SMCHD1: variants seen among roughly 807,000 people sequenced by gnomAD.
SMCHD1 encodes the protein structural maintenance of chromosomes flexible hinge domain containing 1, also known as structural maintenance of chromosomes flexible hinge domain-containing protein 1.
SMCHD1 carries 78 observed loss-of-function variants against 254.7 expected under a neutral mutation model. The observed-to-expected ratio is 0.31, with a 90% confidence interval of 0.26 to 0.37. SMCHD1 has a LOEUF of 0.37. SMCHD1 is among the 10% of genes least tolerant of loss of function. The probability of loss-of-function intolerance (pLI) is 1.00; values close to 1 mark genes in which losing one functional copy is unlikely to be tolerated. For missense variants in SMCHD1, 1,840 were observed against 2,408.1 expected (o/e 0.76, Z 4.94); for synonymous variants, 766 against 794.9 (o/e 0.96, Z 0.61).
At chr18:2,744,870 C>T (rs899778610) in intron 29 of SMCHD1, among the ~76,000 whole-genome samples, 1 of 152,074 alleles carries the variant, frequency 6.6e-6, no homozygotes, top group Non-Finnish European at 1.5e-5. Flanking sequence ...GAGTTTCACT[C>T]TTGTTACCCA....
At chr18:2,786,390 T>C (rs1365014606) in intron 45 of SMCHD1, among the ~76,000 whole-genome samples, 2 of 152,168 alleles carry the variant, frequency 1.3e-5, no homozygotes, top group African/African-American at 2.4e-5. Flanking sequence ...ACTGCACTTA[T>C]ATTAAAAAAT....
Position 2,714,843 on chromosome 18 carries a change from T to TC in SMCHD1, c.2261-3309dup, listed in dbSNP as rs367719961. Among the ~76,000 whole-genome samples, 230 of 151,896 alleles carry TC rather than the reference T, an allele frequency of 1.5e-3. 2 individuals are homozygous for TC. The highest frequency in any genetic ancestry group is 5.2e-3 in the African/African-American group (216 of 41,390). On this transcript the variant is annotated intron_variant, in intron 17 of 47. Transcript: ENST00000320876. The stretch of plus-strand genomic sequence containing the variant: ...AGGACACAAGATTTGTGGTTGACAG[T>TC]CCCCCCTGCCCCCTACCCCCAGCAC...
At chr18:2,676,759 GATCT>G (rs1171405118) in intron 5 of SMCHD1, among the ~76,000 whole-genome samples, 1 of 152,042 alleles carries the variant, frequency 6.6e-6, no homozygotes, top group African/African-American at 2.4e-5. Flanking sequence ...TCACATTTAT[GATCT>G]GTCTACACAC....
At chr18:2,713,455 T>C (rs777802640) in intron 17 of SMCHD1, among the ~76,000 whole-genome samples, 12 of 152,128 alleles carry the variant, frequency 7.9e-5, no homozygotes, top group Non-Finnish European at 1.8e-4. Context: ...AAGGCAAATA[T>C]AGGCATGCTT....
At chr18:2,753,635 T>C (rs1214695980) in intron 34 of SMCHD1, among the ~76,000 whole-genome samples, 1 of 152,176 alleles carries the variant, frequency 6.6e-6, no homozygotes, top group Non-Finnish European at 1.5e-5. Context: ...TCTGCTTCCC[T>C]GGCTCAAGCG....
intron 19 of SMCHD1, among the ~76,000 whole-genome samples, chr18:2,721,381 CT>C (rs1029445090): frequency 6.6e-6 from 1 of 150,674 alleles, no homozygotes; most frequent in African/African-American, 2.4e-5. Flanking sequence ...GTGTGGTTTT[CT>C]TTTTTTTTAA....
intron 44 of SMCHD1, among the ~76,000 whole-genome samples, chr18:2,783,723 C>T (rs2076195062): frequency 6.6e-6 from 1 of 152,070 alleles, no homozygotes; most frequent in Admixed American, 6.6e-5. Flanking sequence ...CAGGCACGTG[C>T]CACCATGCCC....
chr18:2,682,800 C>T (rs1034238565), intron 5 of SMCHD1, among the ~76,000 whole-genome samples: 1 of 152,184 alleles, frequency 6.6e-6, no homozygotes, highest in African/African-American at 2.4e-5. Context: ...CTCCAGAGGA[C>T]TGCTGTGGTG....
At chr18:2,759,163 A>G (rs2075735429) in intron 34 of SMCHD1, among the ~76,000 whole-genome samples, 1 of 152,016 alleles carries the variant, frequency 6.6e-6, no homozygotes, top group Non-Finnish European at 1.5e-5. Flanking sequence ...TGGTGATTCT[A>G]GTATTGTTGT....
intron 7 of SMCHD1, among the ~76,000 whole-genome samples, chr18:2,691,428 T>C (rs680666): frequency 0.42 from 63,734 of 152,100 alleles, 14,721 homozygotes; most frequent in East Asian, 0.6. Context: ...GTTGGACTTC[T>C]ATCTCTGATC....
intron 37 of SMCHD1, among the ~76,000 whole-genome samples, chr18:2,767,883 C>T (rs1042138914): frequency 2.0e-5 from 3 of 152,144 alleles, no homozygotes; most frequent in African/African-American, 7.2e-5. Flanking sequence ...AGCCACCACA[C>T]CCAGCAGCAT....
intron 41 of SMCHD1, among the ~76,000 whole-genome samples, chr18:2,774,833 C>T (rs2143766141): frequency 6.6e-6 from 1 of 152,304 alleles, no homozygotes; most frequent in East Asian, 1.9e-4. Context: ...TTGATACTGG[C>T]CACAGTAGTC....
At position 2,789,288 on chromosome 18, in the gene SMCHD1, G is replaced by A. The variant is rs985220799; in HGVS notation, c.5719+4667G>A. Among the ~76,000 whole-genome samples the A allele has an allele frequency of 2.6e-5, 4 of 151,700 alleles. No individual in the cohort carries two copies. The East Asian group carries it at 7.7e-4, about 29-fold the overall frequency. On this transcript the variant is annotated intron_variant, in intron 45 of 47. Coordinates refer to ENST00000320876, the MANE Select transcript of SMCHD1 (RefSeq NM_015295.3). ...ACTCCTGGTCCCAGGCGATCTGCCT[G>A]CCTTGGCCTCTCAGAGTGCTAGGGA...
intron 42 of SMCHD1, 137 bp downstream of exon 42, chr18:2,776,061 T>C: frequency 1.3e-6 from 1 of 777,498 alleles, no homozygotes; most frequent in Non-Finnish European, 2.0e-6. Flanking sequence ...TATTTTTGTC[T>C]TCATCACAAA....
intron 21 of SMCHD1, 45 bp from the exon 22 acceptor site, chr18:2,726,407 A>G (rs1257930244): frequency 2.2e-5 from 22 of 990,536 alleles, no homozygotes; most frequent in Non-Finnish European, 3.3e-5. Flanking sequence ...CTACTTAAGT[A>G]TGTATTCAGG....
intron 7 of SMCHD1, among the ~76,000 whole-genome samples, chr18:2,694,175 C>T (rs1489685257): frequency 6.6e-6 from 1 of 152,082 alleles, no homozygotes; most frequent in Admixed American, 6.5e-5. Context: ...GGTAGGTCTC[C>T]CAAGCAAGCG....
intron 21 of SMCHD1, 147 bp from the exon 22 acceptor site, chr18:2,726,305 T>C (rs1221256683): frequency 4.8e-6 from 2 of 419,622 alleles, no homozygotes; most frequent in Admixed American, 8.7e-5. Context: ...TGACTCCATA[T>C]ATGATAATTT....
chr18:2,673,967 G>T, intron 4 of SMCHD1, 48 bp from the exon 5 acceptor site: 1 of 1,517,168 alleles, frequency 6.6e-7, no homozygotes, highest in Non-Finnish European at 8.9e-7. Context: ...CATGTTTTAA[G>T]TATTGATTTG....
chr18:2,779,257 G>T (rs968052057), intron 44 of SMCHD1, among the ~76,000 whole-genome samples: 4 of 152,138 alleles, frequency 2.6e-5, no homozygotes, highest in Non-Finnish European at 5.9e-5. Context: ...CTGGGGTGGT[G>T]GCAGCTCTAA....
Sources: allele counts gnomAD v4.1 joint callset (sites outside exome capture counted in the v4.1 genomes callset), GRCh38; gene constraint gnomAD v4.1.1; transcripts MANE v1.5; gene names NCBI Gene and HGNC (gene_info 2026-07-23, HGNC 2026-07-21).